Variants in KATNAL2 observed in about 807,000 individuals in gnomAD.
KATNAL2 encodes katanin p60 ATPase-containing subunit A-like 2.
A neutral mutation model predicts 76.3 loss-of-function variants in KATNAL2; 52 were observed. That is an observed-to-expected ratio of 0.68 (90% CI 0.55 to 0.86). KATNAL2 has a LOEUF of 0.86. KATNAL2 is among the 40% of genes least tolerant of loss of function. The probability of loss-of-function intolerance (pLI) is 0.00; values close to 1 mark genes in which losing one functional copy is unlikely to be tolerated. For missense variants in KATNAL2, 660 were observed against 668.9 expected (o/e 0.99, Z 0.15); for synonymous variants, 243 against 244.2 (o/e 1.00, Z 0.05).
intron 3 of KATNAL2, among the ~76,000 whole-genome samples, chr18:46,954,324 G>A (rs551877595): frequency 2.3e-4 from 32 of 139,026 alleles, no homozygotes; most frequent in South Asian, 4.6e-4. Flanking sequence ...CTTCTTCTTC[G>A]TCTTTTTTTT....
intron 1 of KATNAL2, among the ~76,000 whole-genome samples, chr18:46,932,726 T>C (rs112024033): frequency 0.054 from 8,131 of 149,248 alleles, 496 homozygotes; most frequent in African/African-American, 0.14. Context: ...GCAAGGCTAT[T>C]ATAACTTTGA....
intron 3 of KATNAL2, among the ~76,000 whole-genome samples, chr18:47,039,163 A>T (rs1206739839): frequency 6.6e-6 from 1 of 152,136 alleles, no homozygotes; most frequent in Non-Finnish European, 1.5e-5. Context: ...CCACAATTTT[A>T]CTTAAATTAT....
chr18:47,072,260 CCTTT>C (rs1293014577), intron 13 of KATNAL2, among the ~76,000 whole-genome samples: 9 of 151,988 alleles, frequency 5.9e-5, no homozygotes. Flanking sequence ...CCAGCCTCTT[CCTTT>C]CTTTTACTAT....
In KATNAL2 at chr18:47,046,315, T is replaced by A. The variant is rs528042278; in HGVS notation, c.52-142T>A. ...TAACAATGGAAAACAACTTTATATG[T>A]CCTTAGAGACTTCAAATTGCTTTCC... On this transcript the variant is annotated intron_variant, in intron 3 of 17. Coordinates refer to ENST00000683218, the MANE Select transcript of KATNAL2 (RefSeq NM_001387690.1). 1.2e-4 allele frequency: 74 copies of A among 627,240 alleles called. 1 individual carries two copies. The South Asian group carries it at 1.3e-3, about 11-fold the overall frequency. The allele number at this position is 627,240 out of a possible 1,614,324, so 38.9% of individuals were successfully genotyped here.
intron 7 of KATNAL2, among the ~76,000 whole-genome samples, chr18:47,059,352 C>T (rs2061563312): frequency 6.6e-6 from 1 of 152,244 alleles, no homozygotes; most frequent in Non-Finnish European, 1.5e-5. Flanking sequence ...TCTCAGTCTT[C>T]CAGGGACAAC....
Position 47,101,311 on chromosome 18 carries a change from A to G in KATNAL2, c.*306A>G. 2 of 260,012 alleles carry G rather than the reference A, an allele frequency of 7.7e-6. No homozygotes were observed. Among genetic ancestry groups the G allele is most frequent in the South Asian group, 1.2e-4 (2 of 16,444 alleles). 16.1% of individuals were successfully genotyped at this position (260,012 alleles called of 1,614,324 possible). Reference sequence around the variant, plus strand: ...TGAACAATTTTCTGTAATGTTACTCATTTGTAAACTTTTTAAGAAAAAGAT... The same window carrying G: ...TGAACAATTTTCTGTAATGTTACTCGTTTGTAAACTTTTTAAGAAAAAGAT... On this transcript the variant is annotated 3_prime_UTR_variant, in exon 18 of 18. Coordinates refer to ENST00000683218, the MANE Select transcript of KATNAL2 (RefSeq NM_001387690.1).
intron 1 of KATNAL2, among the ~76,000 whole-genome samples, chr18:46,944,599 G>A (rs1336331522): frequency 1.3e-5 from 2 of 152,180 alleles, no homozygotes; most frequent in Non-Finnish European, 2.9e-5. Flanking sequence ...GCTGGATGTG[G>A]TGGTAGGTGC....
rs549698872 is a variant in KATNAL2 at position 46,934,365 on chromosome 18, T to C, written c.-509-11692T>C. 2.0e-4 allele frequency among the ~76,000 whole-genome samples: 30 copies of C among 152,344 alleles called. No individual in the cohort carries two copies. The South Asian group carries it at 5.6e-3, about 28-fold the overall frequency. On this transcript the variant is annotated intron_variant, in intron 1 of 17. Coordinates refer to ENST00000683218, the MANE Select transcript of KATNAL2 (RefSeq NM_001387690.1). ...CTAACTGGTGCGAGATGGTATCTCA[T>C]TGTGGTTTTGATTTGCATTTCTCTG...
Position 47,094,129 on chromosome 18 carries a change from CTCTT to C in KATNAL2, c.1212-5113_1212-5110del, listed in dbSNP as rs1273977617. 8.5e-5 allele frequency among the ~76,000 whole-genome samples: 13 copies of C among 152,274 alleles called. No individual in the cohort carries two copies. The South Asian group carries it at 2.3e-3, about 27-fold the overall frequency. ...AGGCATGATGGAGGCAGTTTGGTCT[CTCTT>C]GTTTGCCTTCCACTTGCCATCATGT... On this transcript the variant is annotated intron_variant, in intron 15 of 17. Coordinates refer to ENST00000683218, the MANE Select transcript of KATNAL2 (RefSeq NM_001387690.1).
At position 47,069,636 on chromosome 18, in the gene KATNAL2, C is replaced by A. The variant is rs377350658; in HGVS notation, c.1008+36C>A. On this transcript the variant is annotated intron_variant, in intron 13 of 17. Transcript: ENST00000683218. ...TTAATTTTGTTTTTAAAAATAAGTT[C>A]TAGTGTAATACAGTGGTACAAAATG... The A allele has an allele frequency of 1.0e-5, 14 of 1,400,414 alleles. No individual in the cohort carries two copies. The African/African-American group carries it at 1.1e-4, about 11-fold the overall frequency. The allele number at this position is 1,400,414 out of a possible 1,614,324, so 86.7% of individuals were successfully genotyped here.
At chr18:46,940,497 A>T (rs2059216411) in intron 1 of KATNAL2, among the ~76,000 whole-genome samples, 3 of 152,248 alleles carry the variant, frequency 2.0e-5, no homozygotes, top group Non-Finnish European at 4.4e-5. Context: ...TTAGAAACAT[A>T]GAAAAATGGA....
intron 1 of KATNAL2, among the ~76,000 whole-genome samples, chr18:46,926,984 A>C (rs2058747957): frequency 6.6e-6 from 1 of 152,136 alleles, no homozygotes; most frequent in South Asian, 2.1e-4. Context: ...GTGTCTCTGC[A>C]TGTGAGATGG....
intron 15 of KATNAL2, among the ~76,000 whole-genome samples, chr18:47,078,392 C>A (rs1263295076): frequency 6.6e-6 from 1 of 152,140 alleles, no homozygotes; most frequent in African/African-American, 2.4e-5. Context: ...ATAATTTAAA[C>A]CTGGCTCCAC....
intron 8 of KATNAL2, among the ~76,000 whole-genome samples, chr18:47,059,996 C>CTT (rs2061584308): frequency 2.7e-4 from 10 of 36,460 alleles, no homozygotes; most frequent in African/African-American, 9.9e-4. Context: ...TCGTTCTCAT[C>CTT]ATTTTTTTTT....
In KATNAL2 at chr18:47,035,369, AGGCAGCGACCTCG is replaced by A. The variant is rs1289687098; in HGVS notation, c.52-11085_52-11073del. 16 of 1,569,214 alleles carry A rather than the reference AGGCAGCGACCTCG, an allele frequency of 1.0e-5. 1 individual carries two copies. The Admixed American group carries it at 2.8e-4, about 27-fold the overall frequency. ...GGCCGGTCCTCGCTGCCCGGTCGCC[AGGCAGCGACCTCG>A]GGATGTGGAGTCACAGCCTGGAGCG... On this transcript the variant is annotated intron_variant, in intron 3 of 17. Coordinates refer to ENST00000683218, the MANE Select transcript of KATNAL2 (RefSeq NM_001387690.1).
At chr18:47,038,996 G>A (rs2060871747) in intron 3 of KATNAL2, among the ~76,000 whole-genome samples, 1 of 152,198 alleles carries the variant, frequency 6.6e-6, no homozygotes, top group Non-Finnish European at 1.5e-5. Context: ...CTCCAAAGCA[G>A]AAACAGGCTC....
chr18:46,936,725 G>A (rs1195489728), intron 1 of KATNAL2, among the ~76,000 whole-genome samples: 1 of 152,186 alleles, frequency 6.6e-6, no homozygotes, highest in Admixed American at 6.5e-5. Flanking sequence ...GCTGAGGCAG[G>A]TGGATCACTT....
chr18:46,920,678 A>G (rs1172147528), intron 1 of KATNAL2, among the ~76,000 whole-genome samples: 3 of 152,232 alleles, frequency 2.0e-5, no homozygotes, highest in African/African-American at 7.2e-5. Context: ...TATATGTTCA[A>G]AGGAATGGCT....
intron 11 of KATNAL2, among the ~76,000 whole-genome samples, chr18:47,067,804 G>C (rs529556560): frequency 2.2e-4 from 33 of 152,348 alleles, no homozygotes; most frequent in Middle Eastern, 6.8e-3. Context: ...TCCGTGGGTA[G>C]GCAGTTGGAG....
Sources: gnomAD v4.1 joint callset for allele counts (sites outside exome capture counted in the v4.1 genomes callset) on GRCh38, gnomAD v4.1.1 for gene constraint, MANE v1.5 for transcripts, NCBI Gene and HGNC (gene_info 2026-07-23, HGNC 2026-07-21) for gene names.